The following HADHB variants were observed in gnomAD, a reference collection of about 807,000 sequenced individuals.
HADHB encodes the protein trifunctional enzyme subunit beta, mitochondrial.
In HADHB, 50 loss-of-function variants were observed where a neutral mutation model predicts 61.9. The observed-to-expected ratio is 0.81, with a 90% CI of 0.64 to 1.02. HADHB has a LOEUF of 1.02. Ranked by LOEUF, HADHB falls within the 50% of genes least tolerant of loss-of-function variation. The probability of loss-of-function intolerance (pLI) is 0.00; values close to 1 mark genes in which losing one functional copy is unlikely to be tolerated. For missense variants in HADHB, 504 were observed against 586.5 expected, an observed-to-expected ratio of 0.86 and a Z score of 1.45; for synonymous variants, 191 against 201.6, an observed-to-expected ratio of 0.95 and a Z score of 0.45.
chr2:26,278,778 C>A lies in HADHB; in HGVS notation c.607C>A (p.Arg203=). 6.2e-7 allele frequency: 1 copy of A among 1,614,036 alleles called. No individual in the cohort carries two copies. Among genetic ancestry groups the A allele is most frequent in the Non-Finnish European group, 8.5e-7 (1 of 1,179,954 alleles). Residue 203 remains arginine (R), a synonymous_variant, in exon 8 of 16, where the codon CGA becomes AGA. Transcript: ENST00000317799. ...GCGACTGTCTTTAATCTCTAAATTC[C>A]GATTTAATTTCCTAGCACCTGAGGT... ...GQRLSLISKF[R]FNFLAPELPA...
chr2:26,276,454 G>C (rs1281742282), intron 6 of HADHB, among the ~76,000 whole-genome samples: 2 of 152,186 alleles, frequency 1.3e-5, no homozygotes, highest in Non-Finnish European at 2.9e-5. Context: ...TCTTTGCATT[G>C]GGTCTGCAGT....
At chr2:26,281,247 C>T (rs1034317676) in intron 10 of HADHB, among the ~76,000 whole-genome samples, 4 of 152,034 alleles carry the variant, frequency 2.6e-5, no homozygotes, top group African/African-American at 9.7e-5. Flanking sequence ...CTTCTCTTAC[C>T]ACCTTGGGTA....
At position 26,278,564 on chromosome 2, in the gene HADHB, A is replaced by G. The variant is rs752021591; in HGVS notation, c.443-50A>G. On this transcript the variant is annotated intron_variant, in intron 7 of 15. Coordinates refer to ENST00000317799, the MANE Select transcript of HADHB (RefSeq NM_000183.3). The stretch of plus-strand genomic sequence containing the variant: ...ATCAAGAAGCTTAAATTGGAATGGT[A>G]TGTTATTTTCTGTAAAAGATATTCA... 3.2e-5 allele frequency: 46 copies of G among 1,416,610 alleles called. No homozygotes were observed. The East Asian group carries it at 7.7e-4, about 24-fold the overall frequency. 87.8% of individuals were successfully genotyped at this position (1,416,610 alleles called of 1,614,324 possible). A position where few individuals can be genotyped will look rare whatever the true frequency, so the allele number is the denominator to read the frequency against.
At chr2:26,288,657 C>T (rs972422229) in intron 15 of HADHB, among the ~76,000 whole-genome samples, 5 of 151,418 alleles carry the variant, frequency 3.3e-5, no homozygotes, top group Admixed American at 1.3e-4. Context: ...TGCAGTGAGC[C>T]GTGTTCAGGC....
At chr2:26,251,683 T>C (rs1423305664) in intron 1 of HADHB, among the ~76,000 whole-genome samples, 1 of 152,170 alleles carries the variant, frequency 6.6e-6, no homozygotes, top group African/African-American at 2.4e-5. Flanking sequence ...CCAGAGTCCT[T>C]TGAATATCCC....
At chr2:26,257,404 G>A (rs916310078) in intron 3 of HADHB, among the ~76,000 whole-genome samples, 6 of 151,656 alleles carry the variant, frequency 4.0e-5, no homozygotes, top group Non-Finnish European at 7.4e-5. Flanking sequence ...ACAGGCATGA[G>A]CCACCACACC....
intron 3 of HADHB, among the ~76,000 whole-genome samples, chr2:26,257,579 G>A (rs1298173923): frequency 4.6e-5 from 7 of 152,092 alleles, no homozygotes; most frequent in African/African-American, 2.4e-5. Context: ...GGGAGGAGGA[G>A]GTGGTAAGGT....
chr2:26,268,550 A>T (rs1288668180), intron 4 of HADHB, among the ~76,000 whole-genome samples: 1 of 152,224 alleles, frequency 6.6e-6, no homozygotes, highest in South Asian at 2.1e-4. Context: ...TACGAAGCTA[A>T]GAGAAATACA....
chr2:26,282,328 C>G (rs1161030483), intron 10 of HADHB, among the ~76,000 whole-genome samples: 1 of 147,290 alleles, frequency 6.8e-6, no homozygotes, highest in African/African-American at 2.5e-5. Flanking sequence ...GATCTCAGCT[C>G]ACTGCAACCT....
At chr2:26,280,822 T>A (rs1181884829) in intron 10 of HADHB, among the ~76,000 whole-genome samples, 1 of 112,842 alleles carries the variant, frequency 8.9e-6, no homozygotes, top group Non-Finnish European at 1.6e-5. Flanking sequence ...ACCATTGCAC[T>A]CCAGCCTGCA....
chr2:26,282,986 C>A lies in HADHB; in HGVS notation c.1014-18C>A, dbSNP rs751832876. 1 of 1,606,070 alleles carries A rather than the reference C, an allele frequency of 6.2e-7. No homozygotes were observed. The highest frequency in any genetic ancestry group is 8.5e-7 in the Non-Finnish European group (1 of 1,172,644). On this transcript the variant is annotated intron_variant, in intron 11 of 15. Coordinates refer to ENST00000317799, the MANE Select transcript of HADHB (RefSeq NM_000183.3). The stretch of plus-strand genomic sequence containing the variant: ...TTTATTTTATTACCAAAGCTCACCT[C>A]TCTATTTTTTTACCTAGGGATTTTA...
intron 13 of HADHB, 35 bp from the exon 14 acceptor site, chr2:26,284,848 T>A (rs777795478): frequency 9.6e-7 from 1 of 1,037,432 alleles, no homozygotes; most frequent in Non-Finnish European, 1.5e-6. Context: ...GGAACATGAA[T>A]AACGAGGTTC....
intron 3 of HADHB, among the ~76,000 whole-genome samples, chr2:26,256,692 T>C (rs1424573651): frequency 2.0e-5 from 3 of 152,212 alleles, no homozygotes; most frequent in Non-Finnish European, 4.4e-5. Flanking sequence ...TGAGGTCATC[T>C]AGTTCAGCTC....
chr2:26,269,956 T>C lies in HADHB; in HGVS notation c.213T>C (p.Tyr71=), dbSNP rs1255649817. The C allele has an allele frequency of 1.2e-6, 2 of 1,605,734 alleles. No individual in the cohort carries two copies. Among genetic ancestry groups the C allele is most frequent in the Non-Finnish European group, 1.7e-6 (2 of 1,172,444 alleles). The change falls in exon 5 of 16, where the codon TAT becomes TAC. Residue 71 remains tyrosine (Y), a synonymous_variant. Coordinates refer to ENST00000317799, the MANE Select transcript of HADHB (RefSeq NM_000183.3). ...RTPFLLSGTS[Y]KDLMPHDLAR... ...ATTACTGGTTTTCGTTCCCCAGATA[T>C]AAAGACCTGATGCCACATGATTTGG... is the stretch of plus-strand genomic sequence containing the variant.
intron 1 of HADHB, among the ~76,000 whole-genome samples, chr2:26,246,162 G>C (rs1035751365): frequency 2.0e-5 from 3 of 152,270 alleles, no homozygotes; most frequent in Middle Eastern, 3.4e-3. Flanking sequence ...TTACAGTTCA[G>C]AGCCTGCCTC....
At chr2:26,263,962 A>G (rs1671963699) in intron 4 of HADHB, among the ~76,000 whole-genome samples, 1 of 152,180 alleles carries the variant, frequency 6.6e-6, no homozygotes, top group South Asian at 2.1e-4. Context: ...ATGGTCCTAG[A>G]CCAGCTCCAG....
intron 4 of HADHB, among the ~76,000 whole-genome samples, chr2:26,267,713 G>C (rs1250672278): frequency 6.6e-6 from 1 of 150,940 alleles, no homozygotes; most frequent in Admixed American, 6.6e-5. Flanking sequence ...CAGAGGTTGC[G>C]GTGAGCCGAC....
Position 26,254,272 on chromosome 2 carries a change from C to G in HADHB, c.18C>G (p.Tyr6Ter). Residue 6 changes from tyrosine (Y) to a stop codon, truncating the protein, a stop_gained, in exon 2 of 16, where the codon TAC becomes TAG. Coordinates refer to ENST00000317799, the MANE Select transcript of HADHB (RefSeq NM_000183.3). LOFTEE classifies it high-confidence loss of function. MTILT[Y>*]PFKNLPTASK... ...ATTCCAGAATGACTATCTTGACTTACCCCTTTAAAAATCTTCCCACTGCAT... is the reference window on the plus strand; with the variant it reads ...ATTCCAGAATGACTATCTTGACTTAGCCCTTTAAAAATCTTCCCACTGCAT... 1 of 1,474,004 alleles carries G rather than the reference C, an allele frequency of 6.8e-7. No homozygotes were observed. Among genetic ancestry groups the G allele is most frequent in the Non-Finnish European group, 9.5e-7 (1 of 1,052,588 alleles). 91.3% of individuals were successfully genotyped at this position (1,474,004 alleles called of 1,614,324 possible).
At chr2:26,261,694 G>A (rs1671873028) in intron 3 of HADHB, 1 of 152,130 alleles carries the variant, frequency 6.6e-6, no homozygotes, top group Non-Finnish European at 1.5e-5. Context: ...AGAATTGCTT[G>A]AACCTGGGAA....
Sources: allele counts gnomAD v4.1 joint callset (sites outside exome capture counted in the v4.1 genomes callset), GRCh38; gene constraint gnomAD v4.1.1; transcripts MANE v1.5; gene names NCBI Gene and HGNC (gene_info 2026-07-23, HGNC 2026-07-21).